NRXN1: variants seen among roughly 807,000 people sequenced by gnomAD.
NRXN1 encodes the protein neurexin-1.
In NRXN1, 39 loss-of-function variants were observed where a neutral mutation model predicts 150.9. The ratio of observed to expected loss-of-function variants is 0.26; its 90% CI spans 0.20 to 0.34. The LOEUF (loss-of-function observed/expected upper bound fraction) is 0.34, where lower values mean the gene tolerates loss of function less well. NRXN1 is among the 10% of genes least tolerant of loss of function. The pLI is 1.00. For missense variants in NRXN1, 1,815 were observed against 1,949.9 expected, an observed-to-expected ratio of 0.93 and a Z score of 1.30; for synonymous variants, 924 against 757.0, an observed-to-expected ratio of 1.22 and a Z score of -3.62.
chr2:50,162,927 C>A (rs2059447002), intron 18 of NRXN1, among the ~76,000 whole-genome samples: 1 of 151,792 alleles, frequency 6.6e-6, no homozygotes, highest in African/African-American at 2.4e-5. Context: ...CTACTAATTA[C>A]ACAACTTACT....
intron 5 of NRXN1, among the ~76,000 whole-genome samples, chr2:50,886,363 G>T (rs1439269659): frequency 6.6e-6 from 1 of 151,262 alleles, no homozygotes; most frequent in Non-Finnish European, 1.5e-5. Context: ...ATGATGGTTT[G>T]AACAAAGCAG....
chr2:50,256,319 C>T (rs1412109572), intron 17 of NRXN1, among the ~76,000 whole-genome samples: 1 of 152,094 alleles, frequency 6.6e-6, no homozygotes, highest in Non-Finnish European at 1.5e-5. Context: ...AGCATTAGAA[C>T]AATAGTTGGT....
At chr2:50,101,313 A>G (rs1424080737) in intron 18 of NRXN1, among the ~76,000 whole-genome samples, 1 of 152,040 alleles carries the variant, frequency 6.6e-6, no homozygotes, top group Non-Finnish European at 1.5e-5. Flanking sequence ...TACCTCCACC[A>G]GGAACTGAAC....
At chr2:50,667,234 T>C (rs1688194019) in intron 5 of NRXN1, among the ~76,000 whole-genome samples, 1 of 151,958 alleles carries the variant, frequency 6.6e-6, no homozygotes, top group Non-Finnish European at 1.5e-5. Flanking sequence ...TGCATCTTAA[T>C]TGCATATTAT....
At chr2:50,642,552 A>G (rs1301018747) in intron 5 of NRXN1, among the ~76,000 whole-genome samples, 3 of 152,010 alleles carry the variant, frequency 2.0e-5, no homozygotes, top group Non-Finnish European at 4.4e-5. Context: ...CAGCTTGTAA[A>G]AAGTCCTTGA....
intron 5 of NRXN1, among the ~76,000 whole-genome samples, chr2:50,677,963 A>G (rs1284561742): frequency 6.6e-6 from 1 of 152,150 alleles, no homozygotes; most frequent in African/African-American, 2.4e-5. Flanking sequence ...TAGAAATCAT[A>G]TTTCTAAATA....
intron 5 of NRXN1, among the ~76,000 whole-genome samples, chr2:50,837,954 C>T (rs1217291868): frequency 1.4e-4 from 22 of 152,096 alleles, no homozygotes; most frequent in Non-Finnish European, 1.5e-5. Flanking sequence ...TATTCTATTA[C>T]ATTATCAATC....
chr2:50,329,647 ATATATATATATATATATATATATATATTT>A (rs2076675829), intron 17 of NRXN1, among the ~76,000 whole-genome samples: 12 of 8,664 alleles, frequency 1.4e-3, no homozygotes, highest in African/African-American at 0.013. Flanking sequence ...ATATATATAT[ATATATATATATATATATATATATATATTT>A]TTTTTTTTCC....
At chr2:50,355,905 T>C (rs1210996867) in intron 17 of NRXN1, among the ~76,000 whole-genome samples, 1 of 152,162 alleles carries the variant, frequency 6.6e-6, no homozygotes, top group Non-Finnish European at 1.5e-5. Context: ...CTTACCCTTA[T>C]AGGTTTATTG....
chr2:50,948,294 T>A (rs367745443), intron 2 of NRXN1, among the ~76,000 whole-genome samples: 11 of 152,066 alleles, frequency 7.2e-5, no homozygotes, highest in East Asian at 5.8e-4. Context: ...AACTGTAACA[T>A]GGCAATTTAG....
chr2:50,823,107 T>C (rs568565473), intron 5 of NRXN1, among the ~76,000 whole-genome samples: 1 of 152,300 alleles, frequency 6.6e-6, no homozygotes, highest in Non-Finnish European at 1.5e-5. Context: ...CTCTTTGAGT[T>C]GTCATTTTAA....
At chr2:50,693,776 T>A (rs569685874) in intron 5 of NRXN1, among the ~76,000 whole-genome samples, 1 of 152,274 alleles carries the variant, frequency 6.6e-6, no homozygotes, top group South Asian at 2.1e-4. Context: ...CTTCATAGCA[T>A]TTAATTAATT....
chr2:50,112,421 C>T (rs982343394), intron 18 of NRXN1, among the ~76,000 whole-genome samples: 3 of 152,194 alleles, frequency 2.0e-5, no homozygotes, highest in Non-Finnish European at 2.9e-5. Flanking sequence ...CGTTGTTCAG[C>T]CTTCTCCGGT....
chr2:50,837,198 G>C (rs934215446), intron 5 of NRXN1, among the ~76,000 whole-genome samples: 5 of 152,076 alleles, frequency 3.3e-5, no homozygotes, highest in Admixed American at 6.6e-5. Flanking sequence ...TAATTCTTAA[G>C]AAACAACAAG....
At chr2:50,250,507 A>T (rs1468148356) in intron 17 of NRXN1, among the ~76,000 whole-genome samples, 1 of 152,072 alleles carries the variant, frequency 6.6e-6, no homozygotes, top group African/African-American at 2.4e-5. Context: ...TCTTGAATTA[A>T]ATCTCCAGAT....
intron 17 of NRXN1, among the ~76,000 whole-genome samples, chr2:50,437,143 A>G (rs1185860318): frequency 6.6e-6 from 1 of 152,232 alleles, no homozygotes; most frequent in East Asian, 1.9e-4. Context: ...TATTTTTACA[A>G]AATGACTTAT....
At chr2:50,159,939 T>G (rs62135863) in intron 18 of NRXN1, among the ~76,000 whole-genome samples, 1 of 152,074 alleles carries the variant, frequency 6.6e-6, no homozygotes, top group Admixed American at 6.6e-5. Context: ...AAAACTGTCC[T>G]CTTTATTTTA....
At chr2:50,528,552 C>G in intron 12 of NRXN1, 73 bp downstream of exon 12, 1 of 846,776 alleles carries the variant, frequency 1.2e-6, no homozygotes, top group Non-Finnish European at 1.9e-6. Context: ...CTTGCTCTCT[C>G]TCTCTCTTTT....
chr2:51,011,552 C>A (rs1667869018), intron 2 of NRXN1, among the ~76,000 whole-genome samples: 1 of 151,940 alleles, frequency 6.6e-6, no homozygotes, highest in African/African-American at 2.4e-5. Flanking sequence ...GGTGAAATTT[C>A]ACTCAGTAGA....
Sources: gnomAD v4.1 joint callset for allele counts (sites outside exome capture counted in the v4.1 genomes callset) on GRCh38, gnomAD v4.1.1 for gene constraint, MANE v1.5 for transcripts, NCBI Gene and HGNC (gene_info 2026-07-23, HGNC 2026-07-21) for gene names.